The following DCAF6 variants were observed in gnomAD, a reference collection of about 807,000 sequenced individuals.
DCAF6 encodes the protein DDB1- and CUL4-associated factor 6.
DCAF6 carries 54 observed loss-of-function variants against 125.1 expected under a neutral mutation model. That is an observed-to-expected ratio of 0.43 (90% CI 0.35 to 0.54). The LOEUF (loss-of-function observed/expected upper bound fraction) is 0.54. DCAF6 is among the 20% of genes least tolerant of loss of function. The pLI is 0.01. For synonymous variants in DCAF6, 371 were observed against 390.4 expected, an observed-to-expected ratio of 0.95 and a Z score of 0.58; for missense variants, 934 against 1,161.7, an observed-to-expected ratio of 0.80 and a Z score of 2.85.
chr1:167,972,772 C>T (rs1294945361), intron 3 of DCAF6, among the ~76,000 whole-genome samples: 1 of 152,124 alleles, frequency 6.6e-6, no homozygotes, highest in African/African-American at 2.4e-5. Flanking sequence ...AGATGGAGAA[C>T]ACTGGAAGAG....
chr1:168,033,972 A>G (rs1302129453), intron 12 of DCAF6, among the ~76,000 whole-genome samples: 1 of 152,248 alleles, frequency 6.6e-6, no homozygotes, highest in African/African-American at 2.4e-5. Flanking sequence ...GAAATAGTTC[A>G]GTCTCTTAAG....
At position 167,959,749 on chromosome 1, in the gene DCAF6, A is replaced by G. The variant is rs150900896; in HGVS notation, c.160-6880A>G. Among the ~76,000 whole-genome samples the G allele has an allele frequency of 2.0e-3, 303 of 152,176 alleles. 1 individual carries two copies. The highest frequency in any genetic ancestry group is 7.0e-3 in the African/African-American group (292 of 41,538). ...TATTGTAGTGTTTTAAGAGTTCTTT[A>G]TTTATTTTAGATAACATTACTTTAT... On this transcript the variant is annotated intron_variant, in intron 2 of 21. Coordinates refer to ENST00000367840, the MANE Select transcript of DCAF6 (RefSeq NM_001198956.2).
intron 12 of DCAF6, among the ~76,000 whole-genome samples, chr1:168,036,775 A>G (rs937729211): frequency 6.6e-6 from 1 of 152,218 alleles, no homozygotes; most frequent in Non-Finnish European, 1.5e-5. Flanking sequence ...ACTGAATGTA[A>G]TACTAAATCT....
upstream of DCAF6, among the ~76,000 whole-genome samples, chr1:167,931,256 T>C (rs907057413): frequency 6.6e-6 from 1 of 152,164 alleles, no homozygotes; most frequent in Non-Finnish European, 1.5e-5. Flanking sequence ...TGAATTCTTC[T>C]GAGAATACAA....
At chr1:167,920,740 T>A in the DCAF6 span, 2 of 1,041,722 alleles carry the variant, frequency 1.9e-6, no homozygotes, top group Non-Finnish European at 2.7e-6. Context: ...TTAGCAGCTA[T>A]AATTTTAGTG....
intron 3 of DCAF6, among the ~76,000 whole-genome samples, chr1:167,967,214 C>T (rs185993950): frequency 6.6e-6 from 1 of 152,038 alleles, no homozygotes; most frequent in East Asian, 1.9e-4. Context: ...CTTTTAAAGA[C>T]AAAAACAGCC....
the DCAF6 span, among the ~76,000 whole-genome samples, chr1:167,911,995 C>G: frequency 3.3e-5 from 5 of 152,142 alleles, no homozygotes; most frequent in African/African-American, 4.8e-5. Context: ...AAATAAATAT[C>G]TGGGAGTTTC....
intron 1 of DCAF6, among the ~76,000 whole-genome samples, chr1:167,941,373 T>C (rs1045051076): frequency 1.3e-5 from 2 of 152,230 alleles, no homozygotes; most frequent in Non-Finnish European, 2.9e-5. Context: ...AATCAAGTTA[T>C]AAGTGCTTAG....
rs776499401 is a variant in DCAF6, at chr1:168,045,119, C to T, written c.2150C>T (p.Ala717Val). The T allele has an allele frequency of 1.9e-6, 3 of 1,614,028 alleles. No homozygotes were observed. The highest frequency in any genetic ancestry group is 3.3e-5 in the Admixed American group (2 of 59,958). ...QFQTEATGPS[A>V]HEETSTRDSA... ...CAAACAGAAGCCACTGGGCCTTCAGCTCATGAAGAAACATCCACCAGGGAC... is the reference window on the plus strand; with the variant it reads ...CAAACAGAAGCCACTGGGCCTTCAGTTCATGAAGAAACATCCACCAGGGAC... Residue 717 changes from alanine to valine, a missense_variant, in exon 16 of 22, where the codon GCT (alanine) becomes GTT (valine). Ala to Val is a moderately conservative substitution (Grantham distance 64). Transcript: ENST00000367840.
chr1:167,959,540 T>G (rs1282835695), intron 2 of DCAF6, among the ~76,000 whole-genome samples: 4 of 152,236 alleles, frequency 2.6e-5, no homozygotes, highest in Non-Finnish European at 5.9e-5. Flanking sequence ...AAGTTCCTGA[T>G]GCTCCACATC....
chr1:167,899,361 CT>C, the DCAF6 span: 1 of 1,542,412 alleles, frequency 6.5e-7, no homozygotes, highest in Non-Finnish European at 9.0e-7. Flanking sequence ...AGTGACTCTT[CT>C]GGCAGGGGGC....
chr1:167,875,086 G>GTTTTAT, the DCAF6 span: 1 of 1,481,058 alleles, frequency 6.8e-7, no homozygotes, highest in South Asian at 1.1e-5. Flanking sequence ...TGCATGTTTT[G>GTTTTAT]TTTTAGTTCA....
At chr1:167,975,987 G>A (rs1678093930) in intron 4 of DCAF6, among the ~76,000 whole-genome samples, 1 of 151,888 alleles carries the variant, frequency 6.6e-6, no homozygotes, top group Admixed American at 6.6e-5. Flanking sequence ...TCATGTTTTT[G>A]TATGTACTTA....
At chr1:167,923,035 CAAAAAT>C in the DCAF6 span, among the ~76,000 whole-genome samples, 2 of 152,004 alleles carry the variant, frequency 1.3e-5, no homozygotes, top group African/African-American at 4.8e-5. Flanking sequence ...AAAACAAAAA[CAAAAAT>C]GCTCCCCCAT....
rs1203342619 is a variant in DCAF6 at position 168,056,299 on chromosome 1, G to T, written c.2300+5366G>T. 1.2e-5 allele frequency: 19 copies of T among 1,608,466 alleles called. 1 individual carries two copies. The African/African-American group carries it at 1.8e-4, about 15-fold the overall frequency. On this transcript the variant is annotated intron_variant, in intron 17 of 21. Transcript: ENST00000367840. ...ACCGAGAGCAGAGCGGGTCCAGTGC[G>T]TAGCGTACGGACGGCGCCCACCCCC...
chr1:167,979,158 T>C (rs937399068), intron 4 of DCAF6, among the ~76,000 whole-genome samples: 1 of 152,208 alleles, frequency 6.6e-6, no homozygotes, highest in Non-Finnish European at 1.5e-5. Flanking sequence ...AGTCAACTTT[T>C]TTTTTTACCC....
intron 4 of DCAF6, among the ~76,000 whole-genome samples, chr1:167,979,550 G>A (rs1449612510): frequency 6.6e-6 from 1 of 152,056 alleles, no homozygotes; most frequent in Non-Finnish European, 1.5e-5. Flanking sequence ...CCTTTATAAG[G>A]CAGGAGAAGA....
chr1:167,936,714 T>G lies in DCAF6; in HGVS notation c.-198T>G. ...TCTGGTTAGTCTAAGAAGGAGAGTATGAGGCGAGCTCCGGCCCGGGTGCGG... is the reference window on the plus strand; with the variant it reads ...TCTGGTTAGTCTAAGAAGGAGAGTAGGAGGCGAGCTCCGGCCCGGGTGCGG... On this transcript the variant is annotated 5_prime_UTR_variant, in exon 1 of 22. An upstream start codon of the reference 5' UTR is lost. Transcript: ENST00000367840. The G allele has an allele frequency of 3.4e-6, 2 of 585,498 alleles. No homozygotes were observed. The highest frequency in any genetic ancestry group is 5.9e-5 in the East Asian group (2 of 33,898). The allele number at this position is 585,498 out of a possible 1,614,324, so 36.3% of individuals were successfully genotyped here. A position where few individuals can be genotyped will look rare whatever the true frequency, so the allele number is the denominator to read the frequency against.
chr1:167,974,775 G>T, intron 3 of DCAF6, 55 bp from the exon 4 acceptor site: 1 of 1,321,030 alleles, frequency 7.6e-7, no homozygotes, highest in South Asian at 2.0e-5. Flanking sequence ...TATTAAAAAT[G>T]AATATTTCTA....
Sources: gnomAD v4.1 joint callset for allele counts (sites outside exome capture counted in the v4.1 genomes callset) on GRCh38, gnomAD v4.1.1 for gene constraint, MANE v1.5 for transcripts, NCBI Gene and HGNC (gene_info 2026-07-23, HGNC 2026-07-21) for gene names.